Variants in SULF1 observed in about 807,000 individuals in gnomAD.
SULF1 encodes the protein sulfatase 1.
In SULF1, 46 loss-of-function variants were observed where a neutral mutation model predicts 110.5. The ratio of observed to expected loss-of-function variants is 0.42; its 90% CI spans 0.33 to 0.53. The LOEUF (loss-of-function observed/expected upper bound fraction) is 0.53, where lower values mean the gene tolerates loss of function less well. SULF1 is among the 20% of genes least tolerant of loss of function. SULF1 has a pLI of 0.12. For synonymous variants in SULF1, 371 were observed against 387.1 expected (o/e 0.96, Z 0.49); for missense variants, 941 against 1,094.2 (o/e 0.86, Z 1.98).
intron 5 of SULF1, among the ~76,000 whole-genome samples, chr8:69,575,067 G>A (rs558544127): frequency 6.6e-6 from 1 of 152,312 alleles, no homozygotes; most frequent in Admixed American, 6.5e-5. Context: ...AATGCAATGG[G>A]CTTGGCTGTA....
At chr8:69,492,316 G>A (rs1809981276), upstream of SULF1, among the ~76,000 whole-genome samples, 5 of 151,928 alleles carry the variant, frequency 3.3e-5, no homozygotes, top group South Asian at 1.1e-3. Flanking sequence ...AGAGAAGAGA[G>A]GAGAGACCCA....
intron 3 of SULF1, among the ~76,000 whole-genome samples, chr8:69,546,425 A>C (rs1042233752): frequency 1.3e-5 from 2 of 152,332 alleles, no homozygotes; most frequent in African/African-American, 4.8e-5. Flanking sequence ...AATGCAGCAC[A>C]TTCTGCTGCC....
chr8:69,569,909 G>T (rs1805105631), intron 5 of SULF1, among the ~76,000 whole-genome samples: 2 of 133,324 alleles, frequency 1.5e-5, no homozygotes. Flanking sequence ...CCATAGTTTG[G>T]GTAGAAAAAA....
intron 3 of SULF1, among the ~76,000 whole-genome samples, chr8:69,513,015 G>C (rs923496852): frequency 2.6e-5 from 4 of 151,974 alleles, no homozygotes; most frequent in Non-Finnish European, 4.4e-5. Flanking sequence ...GTACCCTACT[G>C]TCATTTATAT....
chr8:69,527,566 C>A (rs1251735752), intron 3 of SULF1, among the ~76,000 whole-genome samples: 1 of 152,120 alleles, frequency 6.6e-6, no homozygotes, highest in Non-Finnish European at 1.5e-5. Flanking sequence ...AAGCACAGGG[C>A]TTTGGTTTAC....
chr8:69,629,987 G>A (rs965292284), intron 19 of SULF1, among the ~76,000 whole-genome samples: 23 of 152,088 alleles, frequency 1.5e-4, no homozygotes, highest in Middle Eastern at 3.2e-3. Context: ...GCTAAATAAC[G>A]CAAGGGATGA....
At chr8:69,633,634 G>T (rs749265696) in intron 19 of SULF1, among the ~76,000 whole-genome samples, 12 of 151,708 alleles carry the variant, frequency 7.9e-5, no homozygotes, top group Non-Finnish European at 5.9e-5. Context: ...ACTGCACCCG[G>T]CCAGGACATT....
chr8:69,604,926 G>A lies in SULF1; in HGVS notation c.1371G>A (p.Pro457=), dbSNP rs112123068. ...QARYQTACEQ[P]GQKWQCIEDT... ...GGTACCAGACAGCCTGTGAACAACC[G>A]GGGCAGGTGAGTGACGCAGGCTTTC... Residue 457 remains proline, a synonymous_variant, in exon 13 of 23, where the codon CCG becomes CCA. Transcript: ENST00000402687. The A allele has an allele frequency of 2.5e-3, 4,088 of 1,613,892 alleles. 90 individuals are homozygous for A. In the African/African-American group the frequency reaches 0.046, roughly 18 times the overall value.
chr8:69,528,489 C>T (rs1344321967), intron 3 of SULF1, among the ~76,000 whole-genome samples: 4 of 152,122 alleles, frequency 2.6e-5, no homozygotes, highest in African/African-American at 4.8e-5. Flanking sequence ...GCTTTGTAGT[C>T]GAGACACCTC....
chr8:69,471,048 A>C (rs1392584162), intron 1 of SULF1, among the ~76,000 whole-genome samples: 2 of 152,158 alleles, frequency 1.3e-5, no homozygotes, highest in South Asian at 2.1e-4. Flanking sequence ...TTCATCCTTC[A>C]AAGTTTCAGC....
At chr8:69,564,465 A>T (rs1034471245) in intron 5 of SULF1, among the ~76,000 whole-genome samples, 1 of 152,242 alleles carries the variant, frequency 6.6e-6, no homozygotes, top group African/African-American at 2.4e-5. Context: ...ATATTTGGGC[A>T]AAGTTGTTTC....
At chr8:69,552,678 C>A (rs10504453) in intron 3 of SULF1, among the ~76,000 whole-genome samples, 7,033 of 152,294 alleles carry the variant, frequency 0.046, 247 homozygotes, top group Non-Finnish European at 0.077. Context: ...ACTTAACCAA[C>A]CAATGGCCAC....
At position 69,499,143 on chromosome 8, in the gene SULF1, G is replaced by A. The variant is rs75125686; in HGVS notation, c.-228-2731G>A. Among the ~76,000 whole-genome samples, 1,159 of 152,262 alleles carry A rather than the reference G, an allele frequency of 7.6e-3. 19 individuals carry two copies. Among genetic ancestry groups the A allele is most frequent in the African/African-American group, 0.026 (1,089 of 41,552 alleles). The stretch of plus-strand genomic sequence containing the variant: ...CAAACTGCTGGGATTACAGGCATGA[G>A]CCACTGCAACGGGTCCCAGACTTAC... On this transcript the variant is annotated intron_variant, in intron 2 of 22. Transcript: ENST00000402687.
At chr8:69,492,624 C>A (rs1810002123), upstream of SULF1, 1 of 152,222 alleles carries the variant, frequency 6.6e-6, no homozygotes, top group Admixed American at 6.5e-5. Context: ...CCGGCTGCAG[C>A]GCAGTTTGTT....
At chr8:69,537,204 T>C (rs976167135) in intron 3 of SULF1, among the ~76,000 whole-genome samples, 1 of 152,156 alleles carries the variant, frequency 6.6e-6, no homozygotes, top group Admixed American at 6.5e-5. Flanking sequence ...TATTTGTCTC[T>C]GCTGGTGGAA....
At chr8:69,639,594 GGAA>G (rs1340328389) in intron 21 of SULF1, among the ~76,000 whole-genome samples, 1 of 152,224 alleles carries the variant, frequency 6.6e-6, no homozygotes, top group African/African-American at 2.4e-5. Flanking sequence ...CAAGGAAGGA[GGAA>G]GAACTAAAGC....
At chr8:69,562,921 G>A (rs1430319153) in intron 3 of SULF1, 1 of 152,748 alleles carries the variant, frequency 6.5e-6, no homozygotes, top group African/African-American at 2.4e-5. Flanking sequence ...GAGTGGGACA[G>A]AGGAACCAGC....
chr8:69,636,396 G>C (rs1007115735), intron 19 of SULF1, among the ~76,000 whole-genome samples: 3 of 152,096 alleles, frequency 2.0e-5, no homozygotes, highest in Non-Finnish European at 4.4e-5. Flanking sequence ...AATTAACTGG[G>C]GGTGGTGGCG....
In SULF1 at chr8:69,486,978, T is replaced by C. The variant is rs143930592; in HGVS notation, c.-390-8787T>C. On this transcript the variant is annotated intron_variant, in intron 1 of 22. Transcript: ENST00000260128. Reference sequence around the variant, plus strand: ...TTTTTAAATCACTTCCAGAAATTCCTAGTAAATGGGAAAAGAATTTCTCAA... The same window carrying C: ...TTTTTAAATCACTTCCAGAAATTCCCAGTAAATGGGAAAAGAATTTCTCAA... 1.2e-3 allele frequency among the ~76,000 whole-genome samples: 176 copies of C among 152,338 alleles called. 1 individual carries two copies. The highest frequency in any genetic ancestry group is 4.0e-3 in the African/African-American group (166 of 41,586).
Sources: allele counts gnomAD v4.1 joint callset (sites outside exome capture counted in the v4.1 genomes callset), GRCh38; gene constraint gnomAD v4.1.1; transcripts MANE v1.5; gene names NCBI Gene and HGNC (gene_info 2026-07-23, HGNC 2026-07-21).